The following KALRN variants were observed in gnomAD, a reference collection of about 807,000 sequenced individuals.
KALRN encodes the protein kalirin.
In KALRN, 70 loss-of-function variants were observed where a neutral mutation model predicts 353.7. That is an observed-to-expected ratio of 0.20 (90% CI 0.16 to 0.24). KALRN has a LOEUF of 0.24. Among genes scored for constraint, KALRN ranks in the 10% least tolerant of loss-of-function variants. KALRN has a pLI of 1.00. For synonymous variants in KALRN, 1,391 were observed against 1,434.8 expected, an observed-to-expected ratio of 0.97 and a Z score of 0.69; for missense variants, 2,791 against 3,756.7, an observed-to-expected ratio of 0.74 and a Z score of 6.72.
At chr3:124,549,502 G>C (rs1190122246) in intron 33 of KALRN, among the ~76,000 whole-genome samples, 1 of 151,896 alleles carries the variant, frequency 6.6e-6, no homozygotes, top group Admixed American at 6.6e-5. Flanking sequence ...TAGGAGAAAA[G>C]TGATAAAACT....
intron 12 of KALRN, among the ~76,000 whole-genome samples, chr3:124,397,602 T>C (rs2090322396): frequency 2.0e-5 from 3 of 152,246 alleles, no homozygotes; most frequent in South Asian, 4.1e-4. Context: ...CTCAAGGCCC[T>C]ATGGAATCTA....
chr3:124,641,210 C>T (rs1173043650), intron 37 of KALRN, among the ~76,000 whole-genome samples: 1 of 152,100 alleles, frequency 6.6e-6, no homozygotes, highest in Non-Finnish European at 1.5e-5. Flanking sequence ...AGATAAAACT[C>T]CCGAAGAGTC....
chr3:124,598,770 A>C (rs1007642630), intron 34 of KALRN, among the ~76,000 whole-genome samples: 1 of 152,130 alleles, frequency 6.6e-6, no homozygotes, highest in African/African-American at 2.4e-5. Flanking sequence ...TCCGCATCCC[A>C]GGCCCAAGCC....
chr3:124,093,399 T>A (rs2061240724), intron 1 of KALRN, among the ~76,000 whole-genome samples: 1 of 152,216 alleles, frequency 6.6e-6, no homozygotes. Context: ...GGGTAGTTTT[T>A]AGGCTTGGAG....
intron 33 of KALRN, among the ~76,000 whole-genome samples, chr3:124,514,804 A>G (rs641189): frequency 0.46 from 69,275 of 152,026 alleles, 17,034 homozygotes; most frequent in East Asian, 0.62. Context: ...TATAAATTCT[A>G]TCAGTTCCCT....
At chr3:124,103,359 G>C (rs1224953159) in intron 1 of KALRN, among the ~76,000 whole-genome samples, 4 of 152,112 alleles carry the variant, frequency 2.6e-5, no homozygotes, top group African/African-American at 9.7e-5. Context: ...GTCCTCCCAG[G>C]GCCTGTTCTG....
At chr3:124,438,831 C>T in intron 17 of KALRN, 57 bp from the exon 18 acceptor site, 3 of 1,523,770 alleles carry the variant, frequency 2.0e-6, no homozygotes, top group South Asian at 1.2e-5. Flanking sequence ...TGAAGGTCCT[C>T]AGAGAATAAT....
chr3:124,416,791 T>C (rs2092527073), intron 14 of KALRN, among the ~76,000 whole-genome samples: 1 of 152,272 alleles, frequency 6.6e-6, no homozygotes, highest in Non-Finnish European at 1.5e-5. Context: ...TGGGGATTTA[T>C]AGTCTTTGTT....
intron 1 of KALRN, among the ~76,000 whole-genome samples, chr3:124,056,675 C>T (rs543450022): frequency 3.3e-5 from 5 of 152,232 alleles, no homozygotes; most frequent in East Asian, 1.9e-4. Flanking sequence ...ACACACAAAA[C>T]GTACAACAAC....
chr3:124,570,777 G>A (rs2073428604), intron 34 of KALRN, among the ~76,000 whole-genome samples: 1 of 152,124 alleles, frequency 6.6e-6, no homozygotes, highest in South Asian at 2.1e-4. Flanking sequence ...GATAAAACCG[G>A]TTCTTGAATA....
intron 28 of KALRN, 141 bp downstream of exon 28, chr3:124,483,041 A>G: frequency 6.0e-6 from 4 of 669,274 alleles, no homozygotes; most frequent in Non-Finnish European, 8.2e-6. Context: ...CCACACTGGC[A>G]TCGCTGTCCT....
chr3:124,478,003 G>A (rs1197410781), intron 27 of KALRN, among the ~76,000 whole-genome samples: 1 of 152,152 alleles, frequency 6.6e-6, no homozygotes, highest in East Asian at 1.9e-4. Context: ...AGGCTGATGT[G>A]CCTTGTCAGA....
chr3:124,340,448 A>G (rs2081580808), intron 9 of KALRN, among the ~76,000 whole-genome samples: 1 of 152,098 alleles, frequency 6.6e-6, no homozygotes, highest in African/African-American at 2.4e-5. Context: ...ACTTGAACCC[A>G]GTAGGTGGAG....
chr3:124,502,107 T>C (rs1256931043), intron 33 of KALRN, among the ~76,000 whole-genome samples: 1 of 152,112 alleles, frequency 6.6e-6, no homozygotes, highest in Non-Finnish European at 1.5e-5. Flanking sequence ...TTAAATGGGC[T>C]CACAAATAGG....
intron 33 of KALRN, among the ~76,000 whole-genome samples, chr3:124,548,461 A>T (rs773623748): frequency 6.6e-6 from 1 of 152,216 alleles, no homozygotes; most frequent in Non-Finnish European, 1.5e-5. Flanking sequence ...CATCTCTTAC[A>T]GCTATCAAAT....
chr3:124,668,846 T>A (rs940156822), intron 47 of KALRN, among the ~76,000 whole-genome samples: 1 of 152,176 alleles, frequency 6.6e-6, no homozygotes, highest in Non-Finnish European at 1.5e-5. Flanking sequence ...TATGCAAAAA[T>A]GTGTTCATAT....
chr3:124,220,957 CCTT>C (rs560712614), intron 1 of KALRN, among the ~76,000 whole-genome samples: 2 of 152,202 alleles, frequency 1.3e-5, no homozygotes, highest in Non-Finnish European at 2.9e-5. Context: ...GGAGCCACAG[CCTT>C]CTTCTGGGAC....
chr3:124,290,933 A>C (rs1318810989), intron 5 of KALRN, among the ~76,000 whole-genome samples: 2 of 152,252 alleles, frequency 1.3e-5, no homozygotes, highest in African/African-American at 4.8e-5. Context: ...CAAGAGGTTT[A>C]TACTGTTGTA....
At chr3:124,612,896 A>G (rs1221775423) in intron 34 of KALRN, among the ~76,000 whole-genome samples, 1 of 81,976 alleles carries the variant, frequency 1.2e-5, no homozygotes, top group Non-Finnish European at 2.2e-5. Flanking sequence ...AATCGAGCCT[A>G]TGGGATCCCC....
Sources: gnomAD v4.1 joint callset for allele counts (sites outside exome capture counted in the v4.1 genomes callset) on GRCh38, gnomAD v4.1.1 for gene constraint, MANE v1.5 for transcripts, NCBI Gene and HGNC (gene_info 2026-07-23, HGNC 2026-07-21) for gene names.